Variants in SS18L1 observed in about 807,000 individuals in gnomAD.
The protein encoded by SS18L1 is SS18L1 subunit of BAF chromatin remodeling complex.
In SS18L1, 32 loss-of-function variants were observed where a neutral mutation model predicts 70.3. The observed-to-expected ratio is 0.46, with a 90% CI of 0.34 to 0.61. The LOEUF is 0.61. Among genes scored for constraint, SS18L1 ranks in the 20% least tolerant of loss-of-function variants. The probability of loss-of-function intolerance (pLI) is 0.01; values close to 1 mark genes in which losing one functional copy is unlikely to be tolerated. For synonymous variants in SS18L1, 237 were observed against 229.7 expected (o/e 1.03, Z -0.29); for missense variants, 430 against 542.1 (o/e 0.79, Z 2.05).
At chr20:62,166,337 A>G (rs6061445) in intron 8 of SS18L1, among the ~76,000 whole-genome samples, 28,636 of 152,252 alleles carry the variant, frequency 0.19, 2,913 homozygotes, top group South Asian at 0.39. Context: ...GCAGGGCTGC[A>G]ATTTATCAAG....
intron 1 of SS18L1, among the ~76,000 whole-genome samples, chr20:62,145,114 G>T (rs1215259852): frequency 6.6e-6 from 1 of 152,252 alleles, no homozygotes; most frequent in Non-Finnish European, 1.5e-5. Flanking sequence ...GAGAATAGCA[G>T]AAATACAGAT....
intron 7 of SS18L1, 56 bp from the exon 8 acceptor site, chr20:62,165,366 C>T (rs2057408261): frequency 2.2e-5 from 34 of 1,542,652 alleles, no homozygotes; most frequent in Middle Eastern, 1.7e-4. Context: ...TTGCCTCCTC[C>T]GGGACCTGTG....
chr20:62,167,038 G>GTTGTTTTTTT (rs2057445231), intron 8 of SS18L1, among the ~76,000 whole-genome samples: 2 of 110,972 alleles, frequency 1.8e-5, no homozygotes, highest in African/African-American at 9.3e-5. Context: ...TCAGGAGTTT[G>GTTGTTTTTTT]TTTGTTTTTT....
At position 62,174,550 on chromosome 20, in the gene SS18L1, G is replaced by T; in HGVS notation, c.1070G>T (p.Gly357Val). 1 of 1,614,056 alleles carries T rather than the reference G, an allele frequency of 6.2e-7. No homozygotes were observed. The highest frequency in any genetic ancestry group is 8.5e-7 in the Non-Finnish European group (1 of 1,180,040). The change falls in exon 10 of 11, where the codon GGC becomes GTC. Residue 357 changes from glycine (G) to valine (V), a missense_variant. Gly to Val is a moderately radical substitution (Grantham distance 109). Transcript: ENST00000331758. This position sits in a 1 kb window ranked among gnomAD's most constrained non-coding sequence, Gnocchi z 4.1. ...CAGGGAGCCCCGTCACAGTACCCCG[G>T]CTACCAGCAAGGCCAAGGCCAGCAG... is the stretch of plus-strand genomic sequence containing the variant. ...SAQGAPSQYP[G>V]YQQGQGQQYG... is the part of the protein sequence containing the mutation.
At chr20:62,148,062 G>A (rs1482997598) in intron 1 of SS18L1, among the ~76,000 whole-genome samples, 1 of 152,204 alleles carries the variant, frequency 6.6e-6, no homozygotes, top group Non-Finnish European at 1.5e-5. Context: ...CCTTGCATGT[G>A]GCTGATTGAC....
At position 62,176,096 on chromosome 20, in the gene SS18L1, T is replaced by C. The variant is rs548482439; in HGVS notation, c.1164+1452T>C. Among the ~76,000 whole-genome samples the C allele has an allele frequency of 3.3e-5, 5 of 152,394 alleles. No homozygotes were observed. In the South Asian group the frequency reaches 8.3e-4, roughly 25 times the overall value. On this transcript the variant is annotated intron_variant, in intron 10 of 10. Transcript: ENST00000331758. ...TTAAATTAGAATTATATGTGAATGA[T>C]TCTGATGAGACGCCATACCTCCTTC...
chr20:62,176,494 C>G (rs1246455663), intron 10 of SS18L1, among the ~76,000 whole-genome samples: 1 of 151,998 alleles, frequency 6.6e-6, no homozygotes, highest in Non-Finnish European at 1.5e-5. Context: ...GCCTGGGCTA[C>G]AGAGAGCGAG....
chr20:62,181,957 T>C lies in SS18L1; in HGVS notation c.*2749T>C, dbSNP rs1289129364. On this transcript the variant is annotated 3_prime_UTR_variant, in exon 11 of 11. Coordinates refer to ENST00000331758, the MANE Select transcript of SS18L1 (RefSeq NM_198935.3). The stretch of plus-strand genomic sequence containing the variant: ...TCCAGCAAATTGTGAATTTGAAAAA[T>C]GATGGCCAGTTTTCAGAAGTGCTGA... 1 of 228,612 alleles carries C rather than the reference T, an allele frequency of 4.4e-6. No homozygotes were observed. Among genetic ancestry groups the C allele is most frequent in the Non-Finnish European group, 8.7e-6 (1 of 115,294 alleles). The allele number at this position is 228,612 out of a possible 1,614,324, so 14.2% of individuals were successfully genotyped here. A position where few individuals can be genotyped will look rare whatever the true frequency, so the allele number is the denominator to read the frequency against.
Position 62,158,505 on chromosome 20 carries a change from G to A in SS18L1, c.70-167G>A, listed in dbSNP as rs1036139141. ...TTTTCGGATTAGGGATGCCAAACCG[G>A]TGGGTCTAATACAGATATCCCCAAA... is the stretch of plus-strand genomic sequence containing the variant. On this transcript the variant is annotated intron_variant, in intron 1 of 10. Transcript: ENST00000331758. This position sits in a 1 kb window ranked among gnomAD's most constrained non-coding sequence, Gnocchi z 4.5. Among the ~76,000 whole-genome samples the A allele has an allele frequency of 6.6e-6, 1 of 152,166 alleles. No individual in the cohort carries two copies.
intron 8 of SS18L1, among the ~76,000 whole-genome samples, chr20:62,169,624 C>A (rs140543623): frequency 1.2e-3 from 176 of 152,172 alleles, no homozygotes; most frequent in African/African-American, 4.0e-3. Flanking sequence ...ACCAAAAATA[C>A]AAAAACTAGC....
intron 1 of SS18L1, among the ~76,000 whole-genome samples, chr20:62,157,877 T>C (rs2057251693): frequency 7.7e-6 from 1 of 130,038 alleles, no homozygotes; most frequent in Non-Finnish European, 1.7e-5. Flanking sequence ...CACGCCGGCC[T>C]GTGTGTGTGT....
At chr20:62,163,757 G>GGGGA in intron 6 of SS18L1, 135 bp downstream of exon 6, 10 of 1,273,594 alleles carry the variant, frequency 7.9e-6, no homozygotes, top group South Asian at 1.5e-5. Context: ...TTGGCGCCTT[G>GGGGA]GTGTTAACAT....
At chr20:62,146,695 C>T (rs752741239) in intron 1 of SS18L1, among the ~76,000 whole-genome samples, 7 of 149,132 alleles carry the variant, frequency 4.7e-5, no homozygotes, top group African/African-American at 9.9e-5. Context: ...ACAACCTCCG[C>T]GCCCCCGCCC....
Position 62,159,988 on chromosome 20 carries a change from C to T in SS18L1, c.231+27C>T. 6.3e-7 allele frequency: 1 copy of T among 1,598,006 alleles called. No homozygotes were observed. The highest frequency in any genetic ancestry group is 8.5e-7 in the Non-Finnish European group (1 of 1,172,638). On this transcript the variant is annotated intron_variant, in intron 3 of 10. Transcript: ENST00000331758. The surrounding 1 kb of genome is among the most constrained non-coding windows in gnomAD (Gnocchi z 4.4). ...TGAGTACCCACGGGGGGTTGGCCTC[C>T]TTTACCCAGCAAGGACTCCGACACT...
chr20:62,147,956 A>C (rs948237749), intron 1 of SS18L1, among the ~76,000 whole-genome samples: 2 of 152,178 alleles, frequency 1.3e-5, no homozygotes, highest in Non-Finnish European at 2.9e-5. Context: ...TCAGAAGTGG[A>C]ACTTGCTGTC....
chr20:62,178,826 A>T (rs1601067695), intron 10 of SS18L1, among the ~76,000 whole-genome samples: 1 of 151,862 alleles, frequency 6.6e-6, no homozygotes, highest in African/African-American at 2.4e-5. Context: ...CCATTTTCTT[A>T]CTGTAGCAGG....
chr20:62,178,667 C>T (rs182471029), intron 10 of SS18L1, among the ~76,000 whole-genome samples: 23 of 152,364 alleles, frequency 1.5e-4, no homozygotes, highest in Middle Eastern at 3.4e-3. Context: ...CCCACCTCAC[C>T]CTCCAAGTAT....
Position 62,161,644 on chromosome 20 carries a change from C to G in SS18L1, c.376+64C>G. On this transcript the variant is annotated intron_variant, in intron 4 of 10. Coordinates refer to ENST00000331758, the MANE Select transcript of SS18L1 (RefSeq NM_198935.3). The surrounding 1 kb of genome is among the most constrained non-coding windows in gnomAD (Gnocchi z 4.4). ...GGCCACCAAGGCAGCCCTTGGGCAG[C>G]CGGCTGCCATGGTGGGGCACCCCAC... 2 of 1,554,992 alleles carry G rather than the reference C, an allele frequency of 1.3e-6. No individual in the cohort carries two copies. Among genetic ancestry groups the G allele is most frequent in the Non-Finnish European group, 1.7e-6 (2 of 1,145,578 alleles).
chr20:62,176,073 A>G (rs1450793220), intron 10 of SS18L1, among the ~76,000 whole-genome samples: 1 of 152,280 alleles, frequency 6.6e-6, no homozygotes, highest in African/African-American at 2.4e-5. Context: ...TCCTGATGTT[A>G]AATTAGAATT....
Sources: gnomAD v4.1 joint callset for allele counts (sites outside exome capture counted in the v4.1 genomes callset) on GRCh38, gnomAD v4.1.1 for gene constraint, Gnocchi (gnomAD v3.1) non-coding constraint, MANE v1.5 for transcripts, NCBI Gene and HGNC (gene_info 2026-07-23, HGNC 2026-07-21) for gene names.